Variants in ALS2 observed in about 807,000 individuals in gnomAD.
ALS2 encodes the protein alsin Rho guanine nucleotide exchange factor ALS2.
ALS2 carries 117 observed loss-of-function variants against 203.4 expected under a neutral mutation model. The observed-to-expected ratio is 0.58, with a 90% CI of 0.50 to 0.67. ALS2 has a LOEUF of 0.67. ALS2 is among the 30% of genes least tolerant of loss of function. The probability of loss-of-function intolerance (pLI) is 0.00; values close to 1 mark genes in which losing one functional copy is unlikely to be tolerated. For missense variants in ALS2, 1,715 were observed against 1,989.4 expected (o/e 0.86, Z 2.62); for synonymous variants, 718 against 725.9 (o/e 0.99, Z 0.17).
Position 201,715,556 on chromosome 2 carries a change from G to C in ALS2, c.4004+116C>G, listed in dbSNP as rs1444432765. 6.2e-6 allele frequency: 8 copies of C among 1,283,376 alleles called. No homozygotes were observed. In the African/African-American group the frequency reaches 8.8e-5, roughly 14 times the overall value. The allele number at this position is 1,283,376 out of a possible 1,614,324, so 79.5% of individuals were successfully genotyped here. ...AGTGTGTTTTAATCTCTCTTACTCA[G>C]AAGCGAAGTAAATCATTAACTTTTA... On this transcript the variant is annotated intron_variant, in intron 25 of 33. Transcript: ENST00000264276.
Position 201,749,889 on chromosome 2 carries a change from A to G in ALS2, c.1738-100T>C, listed in dbSNP as rs185011668. 7.0e-6 allele frequency: 6 copies of G among 862,668 alleles called. No individual in the cohort carries two copies. The African/African-American group carries it at 8.4e-5, about 12-fold the overall frequency. 53.4% of individuals were successfully genotyped at this position (862,668 alleles called of 1,614,324 possible). A position where few individuals can be genotyped will look rare whatever the true frequency, so the allele number is the denominator to read the frequency against. On this transcript the variant is annotated intron_variant, in intron 7 of 33. Coordinates refer to ENST00000264276, the MANE Select transcript of ALS2 (RefSeq NM_020919.4). ...AATTAACATATATACACAAATACCAACAATTATACATTAAGTACTTATATT... is the reference window on the plus strand; with the variant it reads ...AATTAACATATATACACAAATACCAGCAATTATACATTAAGTACTTATATT...
chr2:201,741,482 A>AT (rs1319316693), intron 11 of ALS2, 192 bp downstream of exon 11: 15 of 593,772 alleles, frequency 2.5e-5, no homozygotes, highest in Non-Finnish European at 3.0e-5. Context: ...TTATTTTTAA[A>AT]TTTTTTTTCA....
rs78767183 is a variant in ALS2, at chr2:201,740,939, G to A, written c.2351+735C>T. 2.2e-3 allele frequency among the ~76,000 whole-genome samples: 339 copies of A among 152,216 alleles called. 15 individuals are homozygous for A. In the East Asian group the frequency reaches 0.043, roughly 19 times the overall value. Reference sequence around the variant, plus strand: ...TGCTGCTGTGGGCTTGGAGCTCCCCGCAAATGCCTGGCACTGAGTGGGCAC... The same window carrying A: ...TGCTGCTGTGGGCTTGGAGCTCCCCACAAATGCCTGGCACTGAGTGGGCAC... On this transcript the variant is annotated intron_variant, in intron 11 of 33. Coordinates refer to ENST00000264276, the MANE Select transcript of ALS2 (RefSeq NM_020919.4).
chr2:201,760,167 A>T (rs1693671348), intron 4 of ALS2: 1 of 553,160 alleles, frequency 1.8e-6, no homozygotes, highest in Non-Finnish European at 2.3e-6. Flanking sequence ...AAATAAAATC[A>T]GCAGGTGTGG....
intron 27 of ALS2, among the ~76,000 whole-genome samples, chr2:201,708,562 G>C (rs7593147): frequency 0.89 from 136,020 of 152,122 alleles, 61,028 homozygotes; most frequent in East Asian, 0.98. Context: ...CACACTCCCC[G>C]CTTTTAGAGT....
At chr2:201,710,721 AT>A (rs1160138841) in intron 26 of ALS2, among the ~76,000 whole-genome samples, 1 of 152,218 alleles carries the variant, frequency 6.6e-6, no homozygotes, top group African/African-American at 2.4e-5. Context: ...TAGTTTGCTA[AT>A]GTTATTAACA....
chr2:201,780,564 G>T, intron 1 of ALS2, among the ~76,000 whole-genome samples: 1 of 152,178 alleles, frequency 6.6e-6, no homozygotes, highest in Non-Finnish European at 1.5e-5. Context: ...GGGAAGAGGG[G>T]GCTTGAAGGA....
chr2:201,775,446 C>A (rs1694614407), intron 1 of ALS2, among the ~76,000 whole-genome samples: 1 of 152,192 alleles, frequency 6.6e-6, no homozygotes, highest in Non-Finnish European at 1.5e-5. Context: ...GTATTTTACA[C>A]ATGGTAAATG....
In ALS2 at chr2:201,722,205, T is replaced by G. The variant is rs1003031639; in HGVS notation, c.3702+838A>C. On this transcript the variant is annotated intron_variant, in intron 23 of 33. Transcript: ENST00000264276. Reference sequence around the variant, plus strand: ...GGCCAAGATCTGAATAGACATTTCATCAAAGAAGATATATGAATCACTAAT... The same window carrying G: ...GGCCAAGATCTGAATAGACATTTCAGCAAAGAAGATATATGAATCACTAAT... The G allele has an allele frequency of 3.3e-5, 5 of 152,158 alleles. No homozygotes were observed. The East Asian group carries it at 9.6e-4, about 29-fold the overall frequency. 9.4% of individuals were successfully genotyped at this position (152,158 alleles called of 1,614,324 possible).
At chr2:201,715,886 A>G (rs1488756009) in intron 24 of ALS2, 47 bp from the exon 25 acceptor site, 1 of 1,609,910 alleles carries the variant, frequency 6.2e-7, no homozygotes, top group Admixed American at 1.7e-5. Flanking sequence ...TTTTGTGCAA[A>G]ATTGTTCCAA....
chr2:201,728,996 G>A, intron 14 of ALS2, 56 bp downstream of exon 14: 1 of 1,612,736 alleles, frequency 6.2e-7, no homozygotes, highest in Non-Finnish European at 8.5e-7. Context: ...TGTATCAATT[G>A]TTATCGAAAT....
At chr2:201,741,221 T>C (rs1692247571) in intron 11 of ALS2, 2 of 153,450 alleles carry the variant, frequency 1.3e-5, no homozygotes, top group Non-Finnish European at 2.9e-5. Context: ...AACATCTTCA[T>C]GTTAAAAATA....
chr2:201,718,317 T>A, intron 23 of ALS2, 107 bp from the exon 24 acceptor site: 1 of 1,268,124 alleles, frequency 7.9e-7, no homozygotes, highest in Non-Finnish European at 1.1e-6. Context: ...TGGAGTGCAG[T>A]GATGCGATCT....
intron 11 of ALS2, 160 bp downstream of exon 11, chr2:201,741,514 G>T: frequency 2.8e-6 from 2 of 721,332 alleles, no homozygotes; most frequent in Middle Eastern, 3.2e-4. Flanking sequence ...CTAAATTTTA[G>T]CAATCCAGAA....
chr2:201,754,704 G>A (rs1693278764), intron 5 of ALS2, 33 bp from the exon 6 acceptor site: 1 of 1,612,352 alleles, frequency 6.2e-7, no homozygotes, highest in Non-Finnish European at 8.5e-7. Context: ...GTGAAGGAGT[G>A]GGAGTCCAGA....
chr2:201,779,228 A>C (rs1694791293), intron 1 of ALS2, among the ~76,000 whole-genome samples: 1 of 152,200 alleles, frequency 6.6e-6, no homozygotes, highest in Non-Finnish European at 1.5e-5. Flanking sequence ...TTAAAAAGTA[A>C]ATGGCCTGCA....
At position 201,733,271 on chromosome 2, in the gene ALS2, C is replaced by A; in HGVS notation, c.2580+5G>T. The A allele has an allele frequency of 6.2e-7, 1 of 1,613,672 alleles. No homozygotes were observed. On this transcript the variant is annotated splice_donor_5th_base_variant and intron_variant, in intron 13 of 33. Transcript: ENST00000264276. ...ATGTCCAAAGAGGTATACATGGGAG[C>A]TTACCACTTCAAAACAAGTAGCAAG...
intron 3 of ALS2, among the ~76,000 whole-genome samples, chr2:201,764,682 T>TAAAAAAAA (rs1553515895): frequency 7.0e-6 from 1 of 142,426 alleles, no homozygotes; most frequent in African/African-American, 2.6e-5. Context: ...AATAAATAAA[T>TAAAAAAAA]AAAAGTGAAT....
intron 7 of ALS2, among the ~76,000 whole-genome samples, chr2:201,752,924 A>G (rs1693154060): frequency 2.0e-5 from 3 of 152,176 alleles, no homozygotes; most frequent in East Asian, 1.9e-4. Flanking sequence ...TCCAAGCTCT[A>G]CTGTTACGTA....
Sources: allele counts gnomAD v4.1 joint callset (sites outside exome capture counted in the v4.1 genomes callset), GRCh38; gene constraint gnomAD v4.1.1; transcripts MANE v1.5; gene names NCBI Gene and HGNC (gene_info 2026-07-23, HGNC 2026-07-21).